ITPR1: variants seen among roughly 807,000 people sequenced by gnomAD.
ITPR1 encodes inositol 1,4,5-trisphosphate receptor type 1, also known as inositol 1,4,5-trisphosphate-gated calcium channel ITPR1.
In ITPR1, 96 loss-of-function variants were observed where a neutral mutation model predicts 318.4. That is an observed-to-expected ratio of 0.30 (90% confidence interval 0.26 to 0.36). ITPR1 has a LOEUF of 0.36. Among genes scored for constraint, ITPR1 ranks in the 10% least tolerant of loss-of-function variants. The pLI is 1.00. For synonymous variants in ITPR1, 1,312 were observed against 1,289.9 expected, an observed-to-expected ratio of 1.02 and a Z score of -0.37; for missense variants, 2,440 against 3,460.2, an observed-to-expected ratio of 0.71 and a Z score of 7.40.
rs751188492 is a variant in ITPR1 at position 4,610,842 on chromosome 3, TCTTTCCCTTTCCTGTTCC to T, written c.164-16907_164-16890del. ...CAAATTTTCTTTTTCCTTCCCTTTC[TCTTTCCCTTTCCTGTTCC>T]CTTTCCCTTTCCTTTCCTCTCTCTC... On this transcript the variant is annotated intron_variant, in intron 4 of 61. Transcript: ENST00000649015. Among the ~76,000 whole-genome samples, 215 of 149,396 alleles carry T rather than the reference TCTTTCCCTTTCCTGTTCC, an allele frequency of 1.4e-3. 1 individual carries two copies. The highest frequency in any genetic ancestry group is 6.8e-3 in the Middle Eastern group (2 of 294).
intron 42 of ITPR1, among the ~76,000 whole-genome samples, chr3:4,732,385 C>T (rs1037296403): frequency 1.3e-5 from 2 of 152,220 alleles, no homozygotes; most frequent in Non-Finnish European, 2.9e-5. Context: ...ACTGTCAGCT[C>T]ATGCCCACTC....
At chr3:4,531,574 A>T (rs1440861923) in intron 4 of ITPR1, among the ~76,000 whole-genome samples, 1 of 152,156 alleles carries the variant, frequency 6.6e-6, no homozygotes. Context: ...AGCAGTCTGC[A>T]TGAGTCACCA....
intron 46 of ITPR1, among the ~76,000 whole-genome samples, chr3:4,773,144 G>A (rs1481360741): frequency 6.6e-6 from 1 of 152,224 alleles, no homozygotes; most frequent in African/African-American, 2.4e-5. Flanking sequence ...GAGGCGACTT[G>A]CGATGCTCCC....
At chr3:4,533,829 G>A (rs1280517160) in intron 4 of ITPR1, among the ~76,000 whole-genome samples, 2 of 152,162 alleles carry the variant, frequency 1.3e-5, no homozygotes, top group Non-Finnish European at 2.9e-5. Context: ...AGTTACTGAC[G>A]GGTCGTTTGC....
intron 4 of ITPR1, among the ~76,000 whole-genome samples, chr3:4,622,463 C>A (rs140107679): frequency 2.0e-5 from 3 of 147,502 alleles, no homozygotes; most frequent in Non-Finnish European, 4.5e-5. Context: ...CTTGCTCTGT[C>A]GCCAGGCTGG....
intron 55 of ITPR1, among the ~76,000 whole-genome samples, chr3:4,810,668 A>G (rs150535108): frequency 2.6e-5 from 4 of 152,292 alleles, no homozygotes; most frequent in African/African-American, 9.6e-5. Context: ...TACGTGGTTT[A>G]CTTATTCTTC....
intron 4 of ITPR1, among the ~76,000 whole-genome samples, chr3:4,558,633 G>A (rs905888861): frequency 5.9e-5 from 9 of 152,108 alleles, no homozygotes; most frequent in African/African-American, 2.2e-4. Context: ...GGAAATAGCA[G>A]TTTAATCTTT....
At chr3:4,640,440 T>A (rs563723968) in intron 6 of ITPR1, among the ~76,000 whole-genome samples, 1 of 152,198 alleles carries the variant, frequency 6.6e-6, no homozygotes, top group Non-Finnish European at 1.5e-5. Context: ...TTCCTCCTCC[T>A]TAAGTTCCAT....
intron 4 of ITPR1, among the ~76,000 whole-genome samples, chr3:4,597,724 A>T (rs575152308): frequency 2.6e-5 from 4 of 152,342 alleles, no homozygotes; most frequent in South Asian, 4.1e-4. Flanking sequence ...GGTAAAGTCC[A>T]GGTTAACTTT....
At chr3:4,657,283 C>T (rs781278627) in intron 12 of ITPR1, among the ~76,000 whole-genome samples, 2 of 151,850 alleles carry the variant, frequency 1.3e-5, no homozygotes, top group African/African-American at 4.8e-5. Flanking sequence ...TGTGAGTAGA[C>T]AATTATCACT....
chr3:4,798,922 G>A (rs2048053589), intron 53 of ITPR1, among the ~76,000 whole-genome samples: 3 of 152,142 alleles, frequency 2.0e-5, no homozygotes, highest in Non-Finnish European at 2.9e-5. Flanking sequence ...AGTGGTAGCT[G>A]GGGGTAGGGA....
chr3:4,558,946 A>T (rs1012211223), intron 4 of ITPR1, among the ~76,000 whole-genome samples: 1 of 152,174 alleles, frequency 6.6e-6, no homozygotes, highest in African/African-American at 2.4e-5. Flanking sequence ...CAATACCATT[A>T]TCATACCTAA....
chr3:4,671,045 C>A, intron 20 of ITPR1, 119 bp downstream of exon 20: 1 of 741,402 alleles, frequency 1.3e-6, no homozygotes, highest in Non-Finnish European at 2.1e-6. Flanking sequence ...GTAAGATTGT[C>A]TAGAAAAAAG....
At chr3:4,619,692 T>C (rs9865321) in intron 4 of ITPR1, among the ~76,000 whole-genome samples, 1,743 of 3,272 alleles carry the variant, frequency 0.53, 674 homozygotes, top group Middle Eastern at 1. Context: ...TCTCCTCTGC[T>C]CTCCCCTGCT....
intron 4 of ITPR1, among the ~76,000 whole-genome samples, chr3:4,539,087 C>CA (rs1430156803): frequency 2.0e-5 from 3 of 152,100 alleles, no homozygotes; most frequent in African/African-American, 4.8e-5. Context: ...ACATTGACTT[C>CA]AAAAAATTGC....
chr3:4,584,042 A>G (rs1026600577), intron 4 of ITPR1, among the ~76,000 whole-genome samples: 9 of 152,026 alleles, frequency 5.9e-5, no homozygotes, highest in South Asian at 4.1e-4. Flanking sequence ...TCATTTCTGC[A>G]TTCTTTCTAT....
intron 4 of ITPR1, among the ~76,000 whole-genome samples, chr3:4,620,159 T>C (rs762834077): frequency 4.6e-5 from 7 of 152,176 alleles, no homozygotes; most frequent in Non-Finnish European, 8.8e-5. Context: ...AGACACCTGC[T>C]GGAGAGAAGC....
At chr3:4,637,508 G>C (rs1011319426) in intron 5 of ITPR1, among the ~76,000 whole-genome samples, 1 of 152,234 alleles carries the variant, frequency 6.6e-6, no homozygotes, top group Admixed American at 6.5e-5. Flanking sequence ...GCATGCCAAA[G>C]ATTGCCACGT....
intron 4 of ITPR1, among the ~76,000 whole-genome samples, chr3:4,557,492 C>A (rs971624588): frequency 6.6e-5 from 10 of 152,130 alleles, no homozygotes; most frequent in East Asian, 5.8e-4. Flanking sequence ...CACCACCCCC[C>A]ACTTTTTTTT....
Sources: gnomAD v4.1 joint callset for allele counts (sites outside exome capture counted in the v4.1 genomes callset) on GRCh38, gnomAD v4.1.1 for gene constraint, MANE v1.5 for transcripts, NCBI Gene and HGNC (gene_info 2026-07-23, HGNC 2026-07-21) for gene names.